ERBB4: variants seen among roughly 807,000 people sequenced by gnomAD.
ERBB4 encodes receptor tyrosine-protein kinase erbB-4.
In ERBB4, 42 loss-of-function variants were observed where a neutral mutation model predicts 158.0. The ratio of observed to expected loss-of-function variants is 0.27; its 90% confidence interval spans 0.21 to 0.34. The LOEUF is 0.34. Among genes scored for constraint, ERBB4 ranks in the 10% least tolerant of loss-of-function variants. ERBB4 has a pLI of 1.00. For synonymous variants in ERBB4, 583 were observed against 558.7 expected, an observed-to-expected ratio of 1.04 and a Z score of -0.61; for missense variants, 1,333 against 1,624.1, an observed-to-expected ratio of 0.82 and a Z score of 3.08.
intron 24 of ERBB4, among the ~76,000 whole-genome samples, chr2:211,420,946 C>T (rs1317178598): frequency 6.6e-6 from 1 of 151,844 alleles, no homozygotes; most frequent in South Asian, 2.1e-4. Flanking sequence ...TGGGTTGCAA[C>T]TTTAAGAATA....
intron 3 of ERBB4, among the ~76,000 whole-genome samples, chr2:211,816,277 A>G (rs900867588): frequency 8.5e-5 from 13 of 152,154 alleles, no homozygotes; most frequent in Admixed American, 2.0e-4. Context: ...ACGGTGGCTC[A>G]TGCCTGTAAT....
rs373156973 is a variant in ERBB4 at position 211,586,877 on chromosome 2, T to A, written c.2302-24789A>T. ...CACTTATTCTTTCCGATAATATTTA[T>A]CTGGTGCTGTTCTGGATTAAATGAT... is the stretch of plus-strand genomic sequence containing the variant. On this transcript the variant is annotated intron_variant, in intron 19 of 27. Transcript: ENST00000342788. 2.9e-4 allele frequency among the ~76,000 whole-genome samples: 44 copies of A among 152,302 alleles called. 1 individual carries two copies. Among genetic ancestry groups the A allele is most frequent in the East Asian group, 1.7e-3 (9 of 5,180 alleles).
rs57150566 is a variant in ERBB4, at chr2:212,227,244, C to CAA, written c.83-102343_83-102342dup. ...TGGGCGACAGAATGAGACTCCACCT[C>CAA]AAAAAAAAAAAAAAAATCATATAGT... On this transcript the variant is annotated intron_variant, in intron 1 of 27. Coordinates refer to ENST00000342788, the MANE Select transcript of ERBB4 (RefSeq NM_005235.3). Among the ~76,000 whole-genome samples, 703 of 137,110 alleles carry CAA rather than the reference C, an allele frequency of 5.1e-3. 5 individuals carry two copies. Among genetic ancestry groups the CAA allele is most frequent in the African/African-American group, 6.6e-3 (232 of 35,284 alleles). The allele number at this position is 137,110 out of a possible 152,430, so 89.9% of individuals were successfully genotyped here.
chr2:211,391,088 T>G (rs1299749785), intron 25 of ERBB4, among the ~76,000 whole-genome samples: 4 of 152,226 alleles, frequency 2.6e-5, no homozygotes, highest in Admixed American at 2.6e-4. Context: ...AATCACGATG[T>G]CATAATTTAT....
intron 1 of ERBB4, among the ~76,000 whole-genome samples, chr2:212,244,444 G>A (rs544002127): frequency 1.3e-4 from 20 of 152,244 alleles, no homozygotes; most frequent in South Asian, 6.2e-4. Flanking sequence ...CAGAATTTGA[G>A]ATCAGAATTA....
chr2:211,972,670 A>C (rs2081487167), intron 2 of ERBB4, among the ~76,000 whole-genome samples: 1 of 152,232 alleles, frequency 6.6e-6, no homozygotes, highest in African/African-American at 2.4e-5. Context: ...CTCCTGATTC[A>C]ATAAATGGTA....
chr2:212,111,764 G>A (rs1327708817), intron 2 of ERBB4, among the ~76,000 whole-genome samples: 2 of 151,980 alleles, frequency 1.3e-5, no homozygotes, highest in African/African-American at 4.8e-5. Context: ...ATACCAGGCA[G>A]GGTGCTAGGT....
At chr2:211,397,145 C>G (rs981327295) in intron 25 of ERBB4, among the ~76,000 whole-genome samples, 1 of 151,986 alleles carries the variant, frequency 6.6e-6, no homozygotes, top group Non-Finnish European at 1.5e-5. Flanking sequence ...AATAGCCCTC[C>G]CCGAGAGCTA....
chr2:211,953,025 A>T (rs1305532152), intron 2 of ERBB4, among the ~76,000 whole-genome samples: 1 of 152,070 alleles, frequency 6.6e-6, no homozygotes, highest in Non-Finnish European at 1.5e-5. Flanking sequence ...ATGTGTGTAT[A>T]TTATGGCCCT....
chr2:211,994,542 T>A (rs1024521463), intron 2 of ERBB4, among the ~76,000 whole-genome samples: 14 of 152,244 alleles, frequency 9.2e-5, no homozygotes, highest in African/African-American at 3.4e-4. Flanking sequence ...TTTGATTTTT[T>A]ATATTTACCT....
chr2:212,068,665 G>A (rs6435686), intron 2 of ERBB4, among the ~76,000 whole-genome samples: 125,142 of 151,930 alleles, frequency 0.82, 53,244 homozygotes, highest in East Asian at 1. Flanking sequence ...AGCTTTAAAA[G>A]ACTAATACGC....
intron 2 of ERBB4, among the ~76,000 whole-genome samples, chr2:211,975,516 A>C (rs540566925): frequency 3.9e-4 from 60 of 152,186 alleles, no homozygotes; most frequent in Non-Finnish European, 7.8e-4. Flanking sequence ...TTAAAAGAAG[A>C]GTTAGATGAC....
rs1689508886 is a variant in ERBB4, at chr2:212,478,283, T to C, written c.82+60166A>G. Among the ~76,000 whole-genome samples, 8 of 152,138 alleles carry C rather than the reference T, an allele frequency of 5.3e-5. No homozygotes were observed. The South Asian group carries it at 1.7e-3, about 31-fold the overall frequency. On this transcript the variant is annotated intron_variant, in intron 1 of 27. Transcript: ENST00000342788. ...CCAGGCATGTTTTCTGGTACCAGTC[T>C]GTCCTCAGTCATTTATAACGGGGAG...
rs527246211 is a variant in ERBB4, at chr2:211,603,237, T to A, written c.2301+15940A>T. On this transcript the variant is annotated intron_variant, in intron 19 of 27. Coordinates refer to ENST00000342788, the MANE Select transcript of ERBB4 (RefSeq NM_005235.3). ...CAGAGCAAGACTCCGTCTCAATAAA[T>A]AAATAAATAAATAAAGGATTAAAGG... 6.6e-5 allele frequency among the ~76,000 whole-genome samples: 10 copies of A among 151,476 alleles called. No individual in the cohort carries two copies. In the South Asian group the frequency reaches 1.3e-3, roughly 19 times the overall value.
At chr2:211,533,176 AT>A (rs2066548542) in intron 20 of ERBB4, among the ~76,000 whole-genome samples, 1 of 151,842 alleles carries the variant, frequency 6.6e-6, no homozygotes. Flanking sequence ...GGTAGACTTC[AT>A]TTTTTAATTG....
At chr2:212,222,135 T>C (rs2083309290) in intron 1 of ERBB4, among the ~76,000 whole-genome samples, 1 of 151,600 alleles carries the variant, frequency 6.6e-6, no homozygotes, top group Admixed American at 6.6e-5. Flanking sequence ...AGGATTATCA[T>C]ATGTGTCATG....
At chr2:212,132,020 T>C (rs181782739) in intron 1 of ERBB4, among the ~76,000 whole-genome samples, 1 of 152,332 alleles carries the variant, frequency 6.6e-6, no homozygotes, top group Non-Finnish European at 1.5e-5. Flanking sequence ...TGTGGGTGTG[T>C]CTGTTTCTTT....
At chr2:212,120,971 A>T (rs1435038808) in intron 2 of ERBB4, among the ~76,000 whole-genome samples, 1 of 152,234 alleles carries the variant, frequency 6.6e-6, no homozygotes, top group Non-Finnish European at 1.5e-5. Context: ...GACAGATTAC[A>T]TATTTTGGAG....
At chr2:211,538,255 C>T (rs2066708814) in intron 20 of ERBB4, among the ~76,000 whole-genome samples, 2 of 151,772 alleles carry the variant, frequency 1.3e-5, no homozygotes, top group African/African-American at 2.4e-5. Flanking sequence ...ATAGTCTTTA[C>T]TTAAATACCT....
Sources: allele counts gnomAD v4.1 joint callset (sites outside exome capture counted in the v4.1 genomes callset), GRCh38; gene constraint gnomAD v4.1.1; transcripts MANE v1.5; gene names NCBI Gene and HGNC (gene_info 2026-07-23, HGNC 2026-07-21).